The following RNF17 variants were observed in gnomAD, a reference collection of about 807,000 sequenced individuals.
RNF17 encodes spermatogenesis associated 23.
RNF17 carries 31 observed loss-of-function variants against 200.5 expected under a neutral mutation model. The ratio of observed to expected loss-of-function variants is 0.15; its 90% CI spans 0.12 to 0.21. The LOEUF is 0.21. Ranked by LOEUF, RNF17 falls within the 10% of genes least tolerant of loss-of-function variation. The probability of loss-of-function intolerance (pLI) is 1.00; values close to 1 mark genes in which losing one functional copy is unlikely to be tolerated. For missense variants in RNF17, 1,628 were observed against 1,905.1 expected (o/e 0.85, Z 2.71); for synonymous variants, 606 against 637.8 (o/e 0.95, Z 0.75).
chr13:24,783,604 G>A, intron 6 of RNF17, among the ~76,000 whole-genome samples: 1 of 151,964 alleles, frequency 6.6e-6, no homozygotes, highest in Non-Finnish European at 1.5e-5. Flanking sequence ...TTATTCTTAA[G>A]TATTTTCTTT....
chr13:24,828,686 A>G (rs1889031433), intron 16 of RNF17, among the ~76,000 whole-genome samples: 1 of 151,716 alleles, frequency 6.6e-6, no homozygotes, highest in South Asian at 2.1e-4. Flanking sequence ...TTAAAATTCT[A>G]TTGTGAGTTC....
At chr13:24,880,690 A>G (rs1269777157), downstream of RNF17, among the ~76,000 whole-genome samples, 5 of 152,186 alleles carry the variant, frequency 3.3e-5, no homozygotes, top group Non-Finnish European at 7.3e-5. Flanking sequence ...GGAGCCTTGT[A>G]TACATGAGCG....
chr13:24,862,239 T>C (rs910032247), intron 27 of RNF17, among the ~76,000 whole-genome samples: 1 of 152,210 alleles, frequency 6.6e-6, no homozygotes, highest in African/African-American at 2.4e-5. Context: ...TGTAGTCACC[T>C]GAAGGATCAA....
chr13:24,807,764 T>C (rs1267633391), intron 15 of RNF17, among the ~76,000 whole-genome samples: 1 of 152,060 alleles, frequency 6.6e-6, no homozygotes, highest in Non-Finnish European at 1.5e-5. Context: ...TCTTCTAGGG[T>C]TTTTATGGTT....
upstream of RNF17, among the ~76,000 whole-genome samples, chr13:24,763,449 C>A (rs1396505466): frequency 6.7e-6 from 1 of 149,606 alleles, no homozygotes; most frequent in Non-Finnish European, 1.5e-5. Flanking sequence ...GATCTCCTGA[C>A]CTCGTGATCT....
chr13:24,856,252 T>C (rs941464725), intron 25 of RNF17, among the ~76,000 whole-genome samples: 7 of 151,920 alleles, frequency 4.6e-5, no homozygotes, highest in Admixed American at 2.0e-4. Flanking sequence ...AAACCCCATC[T>C]CTACTAAAAA....
At chr13:24,755,118 G>T in the RNF17 span, among the ~76,000 whole-genome samples, 1 of 151,982 alleles carries the variant, frequency 6.6e-6, no homozygotes, top group South Asian at 2.1e-4. Flanking sequence ...GATATACTGT[G>T]ATCTAAGCCA....
At chr13:24,847,931 T>C (rs1213863249) in intron 22 of RNF17, among the ~76,000 whole-genome samples, 1 of 152,220 alleles carries the variant, frequency 6.6e-6, no homozygotes, top group African/African-American at 2.4e-5. Context: ...ATCAGTCCCT[T>C]AATTGTACCT....
intron 15 of RNF17, among the ~76,000 whole-genome samples, chr13:24,821,526 C>T (rs987165720): frequency 6.6e-6 from 1 of 152,122 alleles, no homozygotes; most frequent in Non-Finnish European, 1.5e-5. Flanking sequence ...GTTTACTTCT[C>T]TCCATTCTTT....
the RNF17 span, among the ~76,000 whole-genome samples, chr13:24,753,011 G>A: frequency 6.6e-6 from 1 of 152,210 alleles, no homozygotes; most frequent in East Asian, 1.9e-4. Context: ...TTCTCCTTGG[G>A]CAAGAAGTTC....
downstream of RNF17, chr13:24,883,952 T>C (rs756178531): frequency 2.5e-6 from 4 of 1,614,092 alleles, no homozygotes; most frequent in Admixed American, 3.3e-5. Context: ...GTGAACATAA[T>C]GTTGCCATAC....
chr13:24,811,919 C>G (rs1207433796), intron 15 of RNF17, among the ~76,000 whole-genome samples: 3 of 152,052 alleles, frequency 2.0e-5, no homozygotes, highest in African/African-American at 7.2e-5. Flanking sequence ...TGTCAGTCTA[C>G]CCCTGCTGGG....
intron 33 of RNF17, 140 bp downstream of exon 33, chr13:24,874,389 G>T (rs371777677): frequency 5.3e-5 from 29 of 543,916 alleles, no homozygotes; most frequent in Non-Finnish European, 7.3e-5. Context: ...TCGTGTTAAA[G>T]TATACATAAA....
chr13:24,796,125 A>G lies in RNF17; in HGVS notation c.1241-12A>G. ...CATGGTTTATTAATGTGACTTAAAC[A>G]TTTTTATCCAGGTTCTGCAGAGCTA... On this transcript the variant is annotated splice_polypyrimidine_tract_variant and intron_variant, in intron 10 of 35. Transcript: ENST00000255324. 2.5e-6 allele frequency: 4 copies of G among 1,589,530 alleles called. No individual in the cohort carries two copies. The highest frequency in any genetic ancestry group is 1.7e-4 in the Middle Eastern group (1 of 5,910).
At chr13:24,784,105 C>T (rs140204789) in intron 6 of RNF17, among the ~76,000 whole-genome samples, 46 of 152,278 alleles carry the variant, frequency 3.0e-4, no homozygotes, top group African/African-American at 1.1e-3. Flanking sequence ...CCTTTTTCTG[C>T]ATCAATTGAG....
At chr13:24,761,921 GA>G (rs1391614797), upstream of RNF17, among the ~76,000 whole-genome samples, 2 of 152,134 alleles carry the variant, frequency 1.3e-5, no homozygotes, top group African/African-American at 4.8e-5. Flanking sequence ...GGCCCACGAT[GA>G]ACACCTATGC....
chr13:24,862,987 G>A lies in RNF17; in HGVS notation c.3975+194G>A, dbSNP rs561687873. ...AGCCTGCTTTTGAACAAGTTCCTGA[G>A]AACTTTCATAACCATTAAAGTCACT... On this transcript the variant is annotated intron_variant, in intron 28 of 35. Transcript: ENST00000255324. Among the ~76,000 whole-genome samples the A allele has an allele frequency of 4.9e-4, 75 of 152,282 alleles. No individual in the cohort carries two copies. The South Asian group carries it at 5.6e-3, about 11-fold the overall frequency.
upstream of RNF17, chr13:24,764,086 T>C: frequency 1.0e-6 from 1 of 1,001,290 alleles, no homozygotes; most frequent in Non-Finnish European, 1.5e-6. Context: ...GGGGGCGGGC[T>C]TTAATCTCCC....
chr13:24,762,994 A>G (rs1194472651), upstream of RNF17, among the ~76,000 whole-genome samples: 1 of 151,944 alleles, frequency 6.6e-6, no homozygotes, highest in Non-Finnish European at 1.5e-5. Flanking sequence ...TCTTCCATCT[A>G]CCTTCCCTCA....
Sources: gnomAD v4.1 joint callset for allele counts (sites outside exome capture counted in the v4.1 genomes callset) on GRCh38, gnomAD v4.1.1 for gene constraint, MANE v1.5 for transcripts, NCBI Gene and HGNC (gene_info 2026-07-23, HGNC 2026-07-21) for gene names.